Variants in PPM1L observed in about 807,000 individuals in gnomAD.
PPM1L encodes the protein protein phosphatase, Mg2+/Mn2+ dependent 1L.
In PPM1L, 13 loss-of-function variants were observed where a neutral mutation model predicts 31.4. That is an observed-to-expected ratio of 0.41 (90% CI 0.27 to 0.66). PPM1L has a LOEUF of 0.66. Ranked by LOEUF, PPM1L falls within the 30% of genes least tolerant of loss-of-function variation. The probability of loss-of-function intolerance (pLI) is 0.29; values close to 1 mark genes in which losing one functional copy is unlikely to be tolerated. For missense variants in PPM1L, 326 were observed against 453.7 expected (o/e 0.72, Z 2.56); for synonymous variants, 184 against 175.4 (o/e 1.05, Z -0.39).
chr3:160,920,627 A>T (rs1224051981), intron 1 of PPM1L, among the ~76,000 whole-genome samples: 29 of 123,930 alleles, frequency 2.3e-4, no homozygotes, highest in African/African-American at 8.4e-4. Flanking sequence ...ACACACACAC[A>T]CACACACACA....
At chr3:160,914,464 G>A (rs965943991) in intron 1 of PPM1L, among the ~76,000 whole-genome samples, 6 of 114,338 alleles carry the variant, frequency 5.2e-5, no homozygotes, top group East Asian at 2.4e-4. Context: ...AACAGGTCCC[G>A]GTGTGTGACG....
chr3:160,980,523 C>T (rs895887445), intron 2 of PPM1L, among the ~76,000 whole-genome samples: 2 of 151,768 alleles, frequency 1.3e-5, no homozygotes, highest in African/African-American at 4.8e-5. Context: ...CAAAAATTAG[C>T]TGGACACGGT....
chr3:160,839,874 A>G (rs1713818743), intron 1 of PPM1L, among the ~76,000 whole-genome samples: 1 of 152,178 alleles, frequency 6.6e-6, no homozygotes, highest in Non-Finnish European at 1.5e-5. Context: ...CCCGTTGGAA[A>G]GCCTTTCCCT....
At position 160,971,442 on chromosome 3, in the gene PPM1L, G is replaced by C. The variant is rs78159338; in HGVS notation, c.574+9532G>C. ...CTCCAGGTGCACAGTGTGTGCATTTGTATGTGTGCTCATGTGGGAGGGCAG... is the reference window on the plus strand; with the variant it reads ...CTCCAGGTGCACAGTGTGTGCATTTCTATGTGTGCTCATGTGGGAGGGCAG... On this transcript the variant is annotated intron_variant, in intron 2 of 3. Coordinates refer to ENST00000498165, the MANE Select transcript of PPM1L (RefSeq NM_139245.4). Among the ~76,000 whole-genome samples the C allele has an allele frequency of 8.9e-3, 1,356 of 152,306 alleles. 28 individuals carry two copies. The highest frequency in any genetic ancestry group is 0.03 in the African/African-American group (1,260 of 41,558).
chr3:160,955,878 T>A (rs1167699288), intron 1 of PPM1L, among the ~76,000 whole-genome samples: 1 of 151,914 alleles, frequency 6.6e-6, no homozygotes, highest in Non-Finnish European at 1.5e-5. Context: ...ATGGTCTCCA[T>A]CTCCTGACCT....
intron 2 of PPM1L, among the ~76,000 whole-genome samples, chr3:160,982,662 A>G (rs879279790): frequency 1.3e-5 from 2 of 152,112 alleles, no homozygotes; most frequent in Admixed American, 6.6e-5. Flanking sequence ...TGCCTTTTGT[A>G]TTGTGTAGAG....
At chr3:160,933,856 G>C (rs956122550) in intron 1 of PPM1L, among the ~76,000 whole-genome samples, 15 of 152,110 alleles carry the variant, frequency 9.9e-5, no homozygotes, top group African/African-American at 3.4e-4. Flanking sequence ...TTGTATTTGT[G>C]AATTTAAAAT....
chr3:160,972,917 C>T (rs1040575027), intron 2 of PPM1L, among the ~76,000 whole-genome samples: 30 of 152,084 alleles, frequency 2.0e-4, no homozygotes, highest in Non-Finnish European at 4.1e-4. Flanking sequence ...TGGTATCTCA[C>T]TGTGGTTTTG....
At chr3:160,827,770 C>G (rs1442390086) in intron 1 of PPM1L, among the ~76,000 whole-genome samples, 6 of 151,950 alleles carry the variant, frequency 3.9e-5, no homozygotes, top group Non-Finnish European at 7.4e-5. Context: ...GCCATTCTTG[C>G]ATTGTGATAA....
intron 1 of PPM1L, among the ~76,000 whole-genome samples, chr3:160,926,980 G>A (rs1163937666): frequency 6.6e-6 from 1 of 152,204 alleles, no homozygotes; most frequent in Admixed American, 6.5e-5. Flanking sequence ...GTGCCTCACA[G>A]CATGTATTAT....
intron 1 of PPM1L, among the ~76,000 whole-genome samples, chr3:160,944,823 A>ATATAACATATATTATATATATGT (rs1559896985): frequency 6.0e-5 from 1 of 16,698 alleles, no homozygotes; most frequent in African/African-American, 1.7e-4. Context: ...TATATATGTT[A>ATATAACATATATTATATATATGT]TATATAACAT....
intron 1 of PPM1L, among the ~76,000 whole-genome samples, chr3:160,761,306 C>T (rs948186615): frequency 6.6e-6 from 1 of 152,194 alleles, no homozygotes; most frequent in Non-Finnish European, 1.5e-5. Context: ...TCCTCTCCAT[C>T]ATTTGCTTTT....
chr3:160,827,475 GTGTGTGTGTA>G (rs1258118355), intron 1 of PPM1L, among the ~76,000 whole-genome samples: 2 of 150,676 alleles, frequency 1.3e-5, no homozygotes, highest in Admixed American at 1.3e-4. Context: ...GTGTGTGTGT[GTGTGTGTGTA>G]TGTATGTGTG....
At chr3:160,921,226 C>T (rs559845507) in intron 1 of PPM1L, among the ~76,000 whole-genome samples, 14 of 152,102 alleles carry the variant, frequency 9.2e-5, no homozygotes, top group South Asian at 2.1e-4. Flanking sequence ...CACTAGATGA[C>T]GCTTCGGCAT....
chr3:160,944,065 C>G (rs947231617), intron 1 of PPM1L, among the ~76,000 whole-genome samples: 4 of 152,140 alleles, frequency 2.6e-5, no homozygotes, highest in Admixed American at 2.0e-4. Flanking sequence ...TGTTTATGGA[C>G]TATTTGGGTA....
At chr3:160,963,525 C>T (rs1279497378) in intron 2 of PPM1L, among the ~76,000 whole-genome samples, 6 of 151,976 alleles carry the variant, frequency 3.9e-5, no homozygotes, top group South Asian at 2.1e-4. Context: ...GTAATATCTT[C>T]GCGTTATTAA....
chr3:161,022,617 T>C (rs1452149562), intron 2 of PPM1L, among the ~76,000 whole-genome samples: 1 of 151,778 alleles, frequency 6.6e-6, no homozygotes, highest in Non-Finnish European at 1.5e-5. Context: ...GTGACAACTT[T>C]TCTCAGTTTT....
intron 2 of PPM1L, among the ~76,000 whole-genome samples, chr3:160,977,282 C>G (rs1275827604): frequency 6.6e-6 from 1 of 152,138 alleles, no homozygotes; most frequent in African/African-American, 2.4e-5. Flanking sequence ...CCTGGATGTG[C>G]TCTTTAGTTC....
At chr3:160,789,364 G>A (rs1399554342) in intron 1 of PPM1L, among the ~76,000 whole-genome samples, 3 of 151,912 alleles carry the variant, frequency 2.0e-5, no homozygotes, top group Non-Finnish European at 4.4e-5. Context: ...TTTTCTTGTT[G>A]TCTAATCATA....
Sources: allele counts gnomAD v4.1 joint callset (sites outside exome capture counted in the v4.1 genomes callset), GRCh38; gene constraint gnomAD v4.1.1; transcripts MANE v1.5; gene names NCBI Gene and HGNC (gene_info 2026-07-23, HGNC 2026-07-21).